CDC73: variants seen among roughly 807,000 people sequenced by gnomAD.
CDC73 encodes parafibromin.
A neutral mutation model predicts 83.7 loss-of-function variants in CDC73; 21 were observed. That is an observed-to-expected ratio of 0.25 (90% CI 0.18 to 0.36). CDC73 has a LOEUF of 0.36. Among genes scored for constraint, CDC73 ranks in the 10% least tolerant of loss-of-function variants. CDC73 has a pLI of 1.00. For missense variants in CDC73, 342 were observed against 653.3 expected (o/e 0.52, Z 5.19); for synonymous variants, 224 against 212.9 (o/e 1.05, Z -0.45).
At chr1:193,162,167 T>A (rs1265302727) in intron 10 of CDC73, among the ~76,000 whole-genome samples, 1 of 108,194 alleles carries the variant, frequency 9.2e-6, no homozygotes, top group East Asian at 2.5e-4. Context: ...TTATATTGTA[T>A]ATAATATATA....
chr1:193,148,044 T>C (rs1039136044), intron 8 of CDC73, 79 bp downstream of exon 8: 2 of 936,468 alleles, frequency 2.1e-6, no homozygotes, highest in African/African-American at 3.3e-5. Context: ...TGAAGACATC[T>C]TCACATTTTA....
chr1:193,192,430 G>A (rs1026444711), intron 10 of CDC73, among the ~76,000 whole-genome samples: 2 of 152,116 alleles, frequency 1.3e-5, no homozygotes, highest in Non-Finnish European at 2.9e-5. Flanking sequence ...GCGACAGAGT[G>A]AGACACTGTC....
At chr1:193,197,881 C>T (rs933561698) in intron 10 of CDC73, among the ~76,000 whole-genome samples, 4 of 147,318 alleles carry the variant, frequency 2.7e-5, no homozygotes, top group African/African-American at 7.6e-5. Context: ...GCTGAGATTG[C>T]GCCACTGCAC....
intron 10 of CDC73, among the ~76,000 whole-genome samples, chr1:193,170,523 T>C (rs1676502426): frequency 6.6e-6 from 1 of 152,220 alleles, no homozygotes; most frequent in South Asian, 2.1e-4. Flanking sequence ...TTTCCATTTC[T>C]CTAATGATTA....
intron 10 of CDC73, among the ~76,000 whole-genome samples, chr1:193,169,100 C>CA (rs1460464754): frequency 6.6e-6 from 1 of 152,072 alleles, no homozygotes; most frequent in Non-Finnish European, 1.5e-5. Context: ...GATATGGAGG[C>CA]AACTGTTTAT....
At chr1:193,150,856 T>TA (rs1471905761) in intron 9 of CDC73, among the ~76,000 whole-genome samples, 7 of 152,228 alleles carry the variant, frequency 4.6e-5, no homozygotes, top group Non-Finnish European at 2.9e-5. Flanking sequence ...GGTTAATAAA[T>TA]ATTGAATTCC....
At chr1:193,204,900 A>T (rs1252978952) in intron 11 of CDC73, among the ~76,000 whole-genome samples, 1 of 152,216 alleles carries the variant, frequency 6.6e-6, no homozygotes, top group South Asian at 2.1e-4. Flanking sequence ...GCACAGAATT[A>T]TAATTTTAAT....
intron 1 of CDC73, among the ~76,000 whole-genome samples, chr1:193,123,380 A>G (rs1477945103): frequency 6.6e-6 from 1 of 152,096 alleles, no homozygotes; most frequent in Admixed American, 6.6e-5. Context: ...GGCCCCCGCC[A>G]CCATGGCCGG....
intron 10 of CDC73, among the ~76,000 whole-genome samples, chr1:193,189,241 A>G (rs1480902811): frequency 2.0e-5 from 3 of 152,200 alleles, no homozygotes; most frequent in Admixed American, 6.5e-5. Flanking sequence ...GACGTGAGCC[A>G]CAGTGCCCAG....
At chr1:193,134,807 T>G (rs914067903) in intron 3 of CDC73, among the ~76,000 whole-genome samples, 1 of 152,196 alleles carries the variant, frequency 6.6e-6, no homozygotes, top group Non-Finnish European at 1.5e-5. Flanking sequence ...AAAAATAATT[T>G]TGTATTTCTC....
chr1:193,201,356 A>G (rs1189622189), intron 10 of CDC73, among the ~76,000 whole-genome samples: 1 of 152,200 alleles, frequency 6.6e-6, no homozygotes, highest in African/African-American at 2.4e-5. Flanking sequence ...TAGATATTAT[A>G]AAGTGTATTA....
At chr1:193,181,558 A>T (rs748648592) in intron 10 of CDC73, 1 of 1,580,862 alleles carries the variant, frequency 6.3e-7, no homozygotes. Flanking sequence ...CCTCCACTGA[A>T]GCATGTTGTA....
chr1:193,222,978 C>A (rs1352143239), intron 13 of CDC73, among the ~76,000 whole-genome samples: 1 of 152,046 alleles, frequency 6.6e-6, no homozygotes, highest in Non-Finnish European at 1.5e-5. Flanking sequence ...TTAATCTGAT[C>A]TTAAGCCTAT....
intron 2 of CDC73, among the ~76,000 whole-genome samples, chr1:193,129,501 T>C (rs565668096): frequency 6.6e-6 from 1 of 150,658 alleles, no homozygotes; most frequent in Non-Finnish European, 1.5e-5. Context: ...TATTTATTTA[T>C]TTATTTATTT....
At chr1:193,238,551 T>C (rs1039453342) in intron 15 of CDC73, among the ~76,000 whole-genome samples, 4 of 152,216 alleles carry the variant, frequency 2.6e-5, no homozygotes, top group African/African-American at 9.7e-5. Flanking sequence ...TTCTTGCTAC[T>C]TTTCCTCTGG....
intron 10 of CDC73, among the ~76,000 whole-genome samples, chr1:193,156,963 T>G (rs2103137144): frequency 6.6e-6 from 1 of 152,296 alleles, no homozygotes; most frequent in Admixed American, 6.5e-5. Context: ...TTAGTCACAC[T>G]ATAAAATTGT....
At chr1:193,168,941 A>T (rs1342288636) in intron 10 of CDC73, among the ~76,000 whole-genome samples, 2 of 152,234 alleles carry the variant, frequency 1.3e-5, no homozygotes, top group Non-Finnish European at 2.9e-5. Context: ...TTACATTTTA[A>T]ATAATACTTT....
At chr1:193,239,177 T>C (rs1053018085) in intron 15 of CDC73, among the ~76,000 whole-genome samples, 56 of 152,308 alleles carry the variant, frequency 3.7e-4, no homozygotes, top group African/African-American at 1.2e-3. Flanking sequence ...CTTTTCCAAA[T>C]GGAATTGATG....
At chr1:193,232,868 A>T in intron 13 of CDC73, 125 bp from the exon 14 acceptor site, 1 of 750,562 alleles carries the variant, frequency 1.3e-6, no homozygotes, top group Non-Finnish European at 2.2e-6. Flanking sequence ...GCACCACTGC[A>T]CTCTAGCCTG....
Sources: gnomAD v4.1 joint callset for allele counts (sites outside exome capture counted in the v4.1 genomes callset) on GRCh38, gnomAD v4.1.1 for gene constraint, MANE v1.5 for transcripts, NCBI Gene and HGNC (gene_info 2026-07-23, HGNC 2026-07-21) for gene names.